The following NRXN3 variants were observed in gnomAD, a reference collection of about 807,000 sequenced individuals.
NRXN3 encodes neurexin 3.
Under a neutral mutation model 137.6 loss-of-function variants are expected in NRXN3, and 32 were observed. The ratio of observed to expected loss-of-function variants is 0.23; its 90% confidence interval spans 0.18 to 0.31. The LOEUF (loss-of-function observed/expected upper bound fraction) is 0.31, where lower values mean the gene tolerates loss of function less well. Ranked by LOEUF, NRXN3 falls within the 10% of genes least tolerant of loss-of-function variation. The probability of loss-of-function intolerance (pLI) is 1.00; values close to 1 mark genes in which losing one functional copy is unlikely to be tolerated. For synonymous variants in NRXN3, 798 were observed against 784.5 expected (o/e 1.02, Z -0.29); for missense variants, 1,574 against 2,062.5 (o/e 0.76, Z 4.59).
chr14:78,780,590 T>C (rs1396502362), intron 8 of NRXN3, among the ~76,000 whole-genome samples: 17 of 152,072 alleles, frequency 1.1e-4, no homozygotes, highest in Admixed American at 1.1e-3. Flanking sequence ...AATGACCCCC[T>C]ACATGTGATC....
rs76210656 is a variant in NRXN3, at chr14:79,183,584, T to G, written c.3262+195443T>G. Among the ~76,000 whole-genome samples, 191 of 152,336 alleles carry G rather than the reference T, an allele frequency of 1.3e-3. 2 individuals carry two copies. Among genetic ancestry groups the G allele is most frequent in the South Asian group, 6.0e-3 (29 of 4,830 alleles). On this transcript the variant is annotated intron_variant, in intron 15 of 20. Transcript: ENST00000335750. ...GTATTTAAAGTAGTAAGTCTGGTGT[T>G]CAAAAGGTAAAACCTTCAAAATTCT...
At chr14:78,627,431 G>A (rs943008693) in intron 4 of NRXN3, among the ~76,000 whole-genome samples, 1 of 152,178 alleles carries the variant, frequency 6.6e-6, no homozygotes, top group African/African-American at 2.4e-5. Flanking sequence ...GAAATGAGCA[G>A]CTTGGCTATG....
At chr14:78,443,910 G>T (rs191621025) in intron 4 of NRXN3, among the ~76,000 whole-genome samples, 26 of 152,234 alleles carry the variant, frequency 1.7e-4, no homozygotes, top group Admixed American at 9.8e-4. Context: ...GCATTAGGTT[G>T]GTGCAAAAGT....
chr14:79,618,297 A>G (rs2098184091), intron 16 of NRXN3, among the ~76,000 whole-genome samples: 1 of 152,026 alleles, frequency 6.6e-6, no homozygotes, highest in South Asian at 2.1e-4. Context: ...TCCCCTCATC[A>G]TTCTTAGCAT....
rs1218355286 is a variant in NRXN3, at chr14:78,361,911, G to A, written c.757+64051G>A. On this transcript the variant is annotated intron_variant, in intron 4 of 20. Coordinates refer to ENST00000335750, the MANE Select transcript of NRXN3 (RefSeq NM_001330195.2). Reference sequence around the variant, plus strand: ...ATCATAAGAAGAAACTAGGCCGGGCGCGGTGGCTCACGCCTGTAATCCCAG... The same window carrying A: ...ATCATAAGAAGAAACTAGGCCGGGCACGGTGGCTCACGCCTGTAATCCCAG... 1.3e-3 allele frequency among the ~76,000 whole-genome samples: 4 copies of A among 3,114 alleles called. 2 individuals carry two copies. The highest frequency in any genetic ancestry group is 1.4e-3 in the African/African-American group (4 of 2,892). 2.0% of individuals were successfully genotyped at this position (3,114 alleles called of 152,430 possible). A position where few individuals can be genotyped will look rare whatever the true frequency, so the allele number is the denominator to read the frequency against.
intron 4 of NRXN3, among the ~76,000 whole-genome samples, chr14:78,601,274 G>T (rs1311456014): frequency 6.6e-6 from 1 of 151,986 alleles, no homozygotes; most frequent in Admixed American, 6.6e-5. Context: ...AAATCCATTT[G>T]CAATGACTTC....
At chr14:79,199,451 A>AG (rs2065624204) in intron 15 of NRXN3, among the ~76,000 whole-genome samples, 1 of 152,222 alleles carries the variant, frequency 6.6e-6, no homozygotes, top group South Asian at 2.1e-4. Flanking sequence ...ATTGAAGATG[A>AG]GAAAAAACAA....
chr14:79,370,970 C>T (rs2094087188), intron 15 of NRXN3, among the ~76,000 whole-genome samples: 1 of 152,072 alleles, frequency 6.6e-6, no homozygotes, highest in African/African-American at 2.4e-5. Flanking sequence ...ACTATGAAAA[C>T]CTAAATATCA....
intron 8 of NRXN3, among the ~76,000 whole-genome samples, chr14:78,731,884 T>C (rs1036561186): frequency 4.1e-5 from 2 of 49,382 alleles, no homozygotes; most frequent in East Asian, 1.8e-3. Flanking sequence ...TTGAAAAACG[T>C]GATTTTTAAT....
At chr14:79,087,272 C>G (rs2048305191) in intron 15 of NRXN3, among the ~76,000 whole-genome samples, 4 of 152,134 alleles carry the variant, frequency 2.6e-5, no homozygotes, top group Admixed American at 2.6e-4. Flanking sequence ...AGCCTGCTAC[C>G]TCTGGACTCT....
intron 4 of NRXN3, among the ~76,000 whole-genome samples, chr14:78,490,556 TG>T (rs1431694537): frequency 4.6e-5 from 7 of 152,176 alleles, no homozygotes; most frequent in Non-Finnish European, 7.3e-5. Flanking sequence ...CATCTGGTGG[TG>T]GGGAGCTTAC....
chr14:78,481,813 T>C (rs1030448079), intron 4 of NRXN3, among the ~76,000 whole-genome samples: 2 of 152,144 alleles, frequency 1.3e-5, no homozygotes, highest in African/African-American at 4.8e-5. Context: ...CTCAGAGTCA[T>C]CTGGCATTTT....
intron 4 of NRXN3, among the ~76,000 whole-genome samples, chr14:78,386,076 T>G (rs1350053723): frequency 1.3e-5 from 2 of 152,120 alleles, no homozygotes; most frequent in Non-Finnish European, 2.9e-5. Flanking sequence ...AAAGTCCCAT[T>G]TTCAGTATCT....
At chr14:78,392,100 A>G (rs137903792) in intron 4 of NRXN3, among the ~76,000 whole-genome samples, 60 of 152,352 alleles carry the variant, frequency 3.9e-4, no homozygotes, top group Middle Eastern at 3.4e-3. Context: ...GAATAAAAAT[A>G]TTGCAAAGAG....
intron 10 of NRXN3, among the ~76,000 whole-genome samples, chr14:78,871,141 C>G (rs1264322695): frequency 2.7e-5 from 4 of 149,908 alleles, no homozygotes; most frequent in Non-Finnish European, 5.9e-5. Flanking sequence ...ATACTCCGTG[C>G]TGTTCTCTAT....
Position 78,805,304 on chromosome 14 carries a change from T to G in NRXN3, c.2248+1481T>G, listed in dbSNP as rs7143363. Among the ~76,000 whole-genome samples, 181 of 152,252 alleles carry G rather than the reference T, an allele frequency of 1.2e-3. 2 individuals carry two copies. Among genetic ancestry groups the G allele is most frequent in the African/African-American group, 4.1e-3 (171 of 41,540 alleles). On this transcript the variant is annotated intron_variant, in intron 9 of 20. Coordinates refer to ENST00000335750, the MANE Select transcript of NRXN3 (RefSeq NM_001330195.2). ...TGTGTTTGGTCATTTTAGGTTATAT[T>G]TTTTTCTTTTGCTGGATCTTTTTGT...
At chr14:79,578,165 A>G (rs569296335) in intron 16 of NRXN3, among the ~76,000 whole-genome samples, 28 of 152,300 alleles carry the variant, frequency 1.8e-4, no homozygotes, top group African/African-American at 5.3e-4. Context: ...TGGACTCATC[A>G]TTGTGATTTA....
chr14:79,559,392 ATTG>A (rs1181204732), intron 16 of NRXN3, among the ~76,000 whole-genome samples: 3 of 152,076 alleles, frequency 2.0e-5, no homozygotes, highest in South Asian at 2.1e-4. Flanking sequence ...TACATTCAAT[ATTG>A]TTGTGTCTCA....
intron 19 of NRXN3, among the ~76,000 whole-genome samples, chr14:79,799,140 C>G (rs2099169343): frequency 1.3e-5 from 2 of 152,142 alleles, no homozygotes; most frequent in African/African-American, 4.8e-5. Flanking sequence ...TCCTGCCAGA[C>G]AGATATTTTA....
Sources: gnomAD v4.1 joint callset for allele counts (sites outside exome capture counted in the v4.1 genomes callset) on GRCh38, gnomAD v4.1.1 for gene constraint, MANE v1.5 for transcripts, NCBI Gene and HGNC (gene_info 2026-07-23, HGNC 2026-07-21) for gene names.